CD109: variants seen among roughly 807,000 people sequenced by gnomAD.
CD109 encodes the protein CD109 molecule.
CD109 carries 149 observed loss-of-function variants against 165.8 expected under a neutral mutation model. The ratio of observed to expected loss-of-function variants is 0.90; its 90% CI spans 0.79 to 1.03. The LOEUF is 1.03. Among genes scored for constraint, CD109 ranks in the 50% least tolerant of loss-of-function variants. CD109 has a pLI of 0.00. For missense variants in CD109, 1,712 were observed against 1,677.8 expected (o/e 1.02, Z -0.36); for synonymous variants, 585 against 592.1 (o/e 0.99, Z 0.18).
In CD109 at chr6:73,785,419, G is replaced by A. The variant is rs146572015; in HGVS notation, c.2279G>A (p.Arg760Lys). Residue 760 changes from arginine (R) to lysine (K), a missense_variant, in exon 20 of 33, where the codon AGA (arginine) becomes AAA (lysine). By Grantham distance (26) the Arg-to-Lys change is conservative. Transcript: ENST00000287097. ...TTGAATCTTCCCTACTCTGTTATCA[G>A]AGGTGAAGAATTTGCTTTGGAAATA... ...IFLNLPYSVI[R>K]GEEFALEITI... 33 of 1,609,032 alleles carry A rather than the reference G, an allele frequency of 2.1e-5. No homozygotes were observed. The highest frequency in any genetic ancestry group is 4.2e-6 in the Non-Finnish European group (5 of 1,177,908).
At chr6:73,806,109 G>A (rs1775551128) in intron 24 of CD109, among the ~76,000 whole-genome samples, 1 of 152,078 alleles carries the variant, frequency 6.6e-6, no homozygotes, top group Non-Finnish European at 1.5e-5. Context: ...CTTGGAACCA[G>A]CCCAAATGTC....
intron 17 of CD109, among the ~76,000 whole-genome samples, 159 bp from the exon 18 acceptor site, chr6:73,782,452 CCTT>C (rs1774542569): frequency 6.6e-6 from 1 of 152,264 alleles, no homozygotes. Context: ...TTTCTGAAAA[CCTT>C]CTTCTACCTT....
chr6:73,737,513 A>G (rs1301461559), intron 5 of CD109, among the ~76,000 whole-genome samples: 1 of 152,246 alleles, frequency 6.6e-6, no homozygotes. Context: ...AGGCAATATT[A>G]TGAAAGGGGC....
chr6:73,690,903 C>A (rs1185853654), upstream of CD109, among the ~76,000 whole-genome samples: 1 of 152,142 alleles, frequency 6.6e-6, no homozygotes, highest in Non-Finnish European at 1.5e-5. Flanking sequence ...TAATGCTTGT[C>A]TCTGGGTAGT....
At chr6:73,780,354 A>G in intron 15 of CD109, 70 bp from the exon 16 acceptor site, 1 of 911,770 alleles carries the variant, frequency 1.1e-6, no homozygotes, top group Admixed American at 1.7e-5. Context: ...AGTCTTATCT[A>G]AGTTACTTGG....
At chr6:73,739,716 C>T (rs574614895) in intron 5 of CD109, among the ~76,000 whole-genome samples, 271 of 151,980 alleles carry the variant, frequency 1.8e-3, no homozygotes, top group Non-Finnish European at 3.1e-3. Context: ...GGTGTGGTGG[C>T]GGGCGCCTGT....
chr6:73,768,955 T>C (rs947237941), intron 14 of CD109, among the ~76,000 whole-genome samples: 1 of 152,270 alleles, frequency 6.6e-6, no homozygotes. Flanking sequence ...TCTTTTTCCT[T>C]TATTTGTTAA....
chr6:73,762,682 TA>T (rs1773680968), intron 8 of CD109, 58 bp from the exon 9 acceptor site: 1 of 1,407,594 alleles, frequency 7.1e-7, no homozygotes, highest in African/African-American at 1.4e-5. Context: ...GTTTGAGTTT[TA>T]TTTCTAAAAT....
At chr6:73,795,415 T>C (rs1775118798) in intron 23 of CD109, among the ~76,000 whole-genome samples, 3 of 152,098 alleles carry the variant, frequency 2.0e-5, no homozygotes, top group Admixed American at 6.5e-5. Flanking sequence ...TCAGCAGCCA[T>C]CCTACAAAAT....
At chr6:73,734,021 T>C (rs1582077174) in intron 4 of CD109, among the ~76,000 whole-genome samples, 1 of 152,020 alleles carries the variant, frequency 6.6e-6, no homozygotes, top group East Asian at 1.9e-4. Flanking sequence ...GTGACGGGGG[T>C]ATTGCTCATA....
At position 73,828,114 on chromosome 6, in the gene CD109, C is replaced by T. The variant is rs1333129017; in HGVS notation, c.*4481C>T. On this transcript the variant is annotated 3_prime_UTR_variant, in exon 33 of 33. Coordinates refer to ENST00000287097, the MANE Select transcript of CD109 (RefSeq NM_133493.5). ...AGGAAGCTTTATAAAATTTCATTCA[C>T]GAATCTCTTATTTTGGGAAGCTGTT... 1 of 154,764 alleles carries T rather than the reference C, an allele frequency of 6.5e-6. No homozygotes were observed. The highest frequency in any genetic ancestry group is 1.5e-5 in the Non-Finnish European group (1 of 68,206). The allele number at this position is 154,764 out of a possible 1,614,324, so 9.6% of individuals were successfully genotyped here. A position where few individuals can be genotyped will look rare whatever the true frequency, so the allele number is the denominator to read the frequency against.
chr6:73,724,839 C>T (rs1217548162), intron 3 of CD109, among the ~76,000 whole-genome samples: 2 of 152,048 alleles, frequency 1.3e-5, no homozygotes, highest in Non-Finnish European at 2.9e-5. Flanking sequence ...TGGGCCCAAG[C>T]ATCCCTCCTG....
chr6:73,729,503 A>G lies in CD109; in HGVS notation c.277-841A>G, dbSNP rs1005675782. On this transcript the variant is annotated intron_variant, in intron 3 of 32. Transcript: ENST00000287097. ...TAGGACTTCTATTGTTATTATTATT[A>G]TTATTATTATTATTATTATTATTAT... Among the ~76,000 whole-genome samples the G allele has an allele frequency of 1.9e-3, 272 of 145,602 alleles. 1 individual carries two copies. Among genetic ancestry groups the G allele is most frequent in the African/African-American group, 6.6e-3 (261 of 39,624 alleles).
At chr6:73,733,338 A>G (rs1409608338) in intron 4 of CD109, among the ~76,000 whole-genome samples, 1 of 152,192 alleles carries the variant, frequency 6.6e-6, no homozygotes, top group African/African-American at 2.4e-5. Context: ...AAATGGCTGC[A>G]GGATGTAGCT....
At position 73,810,182 on chromosome 6, in the gene CD109, A is replaced by T; in HGVS notation, c.3546+8A>T. On this transcript the variant is annotated splice_region_variant and intron_variant, in intron 27 of 32. Transcript: ENST00000287097. ...GGTTTTGCATCTACTCAGGTGAGAG[A>T]TGATAGTTTTTTCCCTTTAAACTAT... The T allele has an allele frequency of 6.6e-7, 1 of 1,510,032 alleles. No homozygotes were observed. The highest frequency in any genetic ancestry group is 8.8e-7 in the Non-Finnish European group (1 of 1,130,568). 93.5% of individuals were successfully genotyped at this position (1,510,032 alleles called of 1,614,324 possible). A position where few individuals can be genotyped will look rare whatever the true frequency, so the allele number is the denominator to read the frequency against.
intron 15 of CD109, among the ~76,000 whole-genome samples, chr6:73,772,271 C>T (rs1462658330): frequency 1.3e-5 from 2 of 151,880 alleles, no homozygotes; most frequent in South Asian, 2.1e-4. Flanking sequence ...TTTGGGAGGC[C>T]GAGGTGGGTG....
chr6:73,757,455 A>G (rs771030797), intron 6 of CD109, among the ~76,000 whole-genome samples: 2 of 152,226 alleles, frequency 1.3e-5, no homozygotes, highest in Non-Finnish European at 2.9e-5. Context: ...TGAATTTCAT[A>G]TAATTTTCAT....
intron 22 of CD109, among the ~76,000 whole-genome samples, chr6:73,791,525 C>A (rs1440246499): frequency 6.6e-6 from 1 of 151,798 alleles, no homozygotes; most frequent in African/African-American, 2.4e-5. Context: ...TAAATATGTA[C>A]CATCACTCCT....
chr6:73,812,247 G>A lies in CD109; in HGVS notation c.3745G>A (p.Gly1249Ser). Residue 1249 changes from glycine to serine, a missense_variant, in exon 29 of 33, where the codon GGT becomes AGT. Coordinates refer to ENST00000287097, the MANE Select transcript of CD109 (RefSeq NM_133493.5). ...QPTAVNISAN[G>S]FGFAICQLNV... Reference sequence around the variant, plus strand: ...AACGGCAGTTAATATTTCCGCAAATGGTTTTGGATTTGCTATTTGTCAGGT... The same window carrying A: ...AACGGCAGTTAATATTTCCGCAAATAGTTTTGGATTTGCTATTTGTCAGGT... 6.2e-7 allele frequency: 1 copy of A among 1,609,188 alleles called. No homozygotes were observed.
Sources: gnomAD v4.1 joint callset for allele counts (sites outside exome capture counted in the v4.1 genomes callset) on GRCh38, gnomAD v4.1.1 for gene constraint, MANE v1.5 for transcripts, NCBI Gene and HGNC (gene_info 2026-07-23, HGNC 2026-07-21) for gene names.